Variants in ATP8B3 observed in about 807,000 individuals in gnomAD.
The protein encoded by ATP8B3 is ATPase phospholipid transporting 8B3.
In ATP8B3, 141 loss-of-function variants were observed where a neutral mutation model predicts 140.9. The ratio of observed to expected loss-of-function variants is 1.00; its 90% CI spans 0.87 to 1.15. The LOEUF (loss-of-function observed/expected upper bound fraction) is 1.15. ATP8B3 is among the 50% of genes most tolerant of loss of function. ATP8B3 has a pLI of 0.00. For missense variants in ATP8B3, 1,874 were observed against 1,740.6 expected (o/e 1.08, Z -1.36); for synonymous variants, 765 against 714.6 (o/e 1.07, Z -1.13).
At chr19:1,788,037 G>A (rs1233483672) in intron 24 of ATP8B3, among the ~76,000 whole-genome samples, 2 of 152,092 alleles carry the variant, frequency 1.3e-5, no homozygotes, top group African/African-American at 4.8e-5. Flanking sequence ...GTGAGACTCT[G>A]TCTCAAAAGG....
At position 1,800,223 on chromosome 19, in the gene ATP8B3, G is replaced by A. The variant is rs753032797; in HGVS notation, c.1343+36C>T. On this transcript the variant is annotated intron_variant, in intron 13 of 28. Transcript: ENST00000310127. The surrounding 1 kb of genome is among the most constrained non-coding windows in gnomAD (Gnocchi z 4.4). ...TGCCATCCCCATGCCTCCCCGTTCC[G>A]CGTTTGCACCGGGGACGCAGCCGGC... 5.4e-5 allele frequency: 87 copies of A among 1,603,820 alleles called. 1 individual carries two copies. The South Asian group carries it at 7.4e-4, about 14-fold the overall frequency.
Position 1,806,778 on chromosome 19 carries a change from G to A in ATP8B3, c.616-89C>T, listed in dbSNP as rs927475574. 126 of 1,390,646 alleles carry A rather than the reference G, an allele frequency of 9.1e-5. 1 individual carries two copies. The East Asian group carries it at 1.5e-3, about 17-fold the overall frequency. The allele number at this position is 1,390,646 out of a possible 1,614,324, so 86.1% of individuals were successfully genotyped here. On this transcript the variant is annotated intron_variant, in intron 6 of 28. Transcript: ENST00000310127. The surrounding 1 kb of genome is among the most constrained non-coding windows in gnomAD (Gnocchi z 5.6). ...GCCGCACTGCAGCCCAGCAGTGCCCGCCCGCAACACGGGGTCCCTGTCCGC... is the reference window on the plus strand; with the variant it reads ...GCCGCACTGCAGCCCAGCAGTGCCCACCCGCAACACGGGGTCCCTGTCCGC...
At position 1,808,337 on chromosome 19, in the gene ATP8B3, T is replaced by C; in HGVS notation, c.403-2A>G. ...CTTGGCCGTGCGGATGACATTGGTC[T>C]GGAACGAGAGCCGCGGGCTGCCTGG... On this transcript the variant is annotated splice_acceptor_variant, in intron 4 of 28. Coordinates refer to ENST00000310127, the MANE Select transcript of ATP8B3 (RefSeq NM_138813.4). LOFTEE classifies it high-confidence loss of function. 3 of 1,610,010 alleles carry C rather than the reference T, an allele frequency of 1.9e-6. No homozygotes were observed. The highest frequency in any genetic ancestry group is 2.5e-6 in the Non-Finnish European group (3 of 1,177,776).
At position 1,799,954 on chromosome 19, in the gene ATP8B3, G is replaced by A. The variant is rs938190405; in HGVS notation, c.1545C>T (p.Arg515=). ...LTFNKCCISG[R]VYGPDSEATT... Reference sequence around the variant, plus strand: ...CAGGTGTCGGGGCCGCACCATAGACGCGGCCGCTGATGCAGCACTTGTTGA... The same window carrying A: ...CAGGTGTCGGGGCCGCACCATAGACACGGCCGCTGATGCAGCACTTGTTGA... Residue 515 remains arginine, a synonymous_variant, in exon 14 of 29, where the codon CGC becomes CGT. Transcript: ENST00000310127. 17 of 1,595,146 alleles carry A rather than the reference G, an allele frequency of 1.1e-5. No homozygotes were observed. Among genetic ancestry groups the A allele is most frequent in the East Asian group, 9.1e-5 (4 of 44,182 alleles).
Position 1,794,537 on chromosome 19 carries a change from A to G in ATP8B3, c.2055+1338T>C, listed in dbSNP as rs1486165361. On this transcript the variant is annotated intron_variant, in intron 18 of 28. Coordinates refer to ENST00000310127, the MANE Select transcript of ATP8B3 (RefSeq NM_138813.4). This position sits in a 1 kb window ranked among gnomAD's most constrained non-coding sequence, Gnocchi z 4.8. ...TGGACGCAGAATCCTCTGGCCCTGT[A>G]GGGTCAGGGCTGGACCAGGGGGAGG... Among the ~76,000 whole-genome samples, 1 of 151,234 alleles carries G rather than the reference A, an allele frequency of 6.6e-6. No homozygotes were observed. Among genetic ancestry groups the G allele is most frequent in the Non-Finnish European group, 1.5e-5 (1 of 67,580 alleles).
chr19:1,787,303 A>G, intron 24 of ATP8B3, 117 bp from the exon 25 acceptor site: 1 of 570,360 alleles, frequency 1.8e-6, no homozygotes, highest in Non-Finnish European at 3.1e-6. Context: ...GTTACACTCA[A>G]GGTTGGGGCT....
intron 10 of ATP8B3, among the ~76,000 whole-genome samples, chr19:1,803,398 G>C (rs1027134976): frequency 6.6e-6 from 1 of 152,206 alleles, no homozygotes; most frequent in Non-Finnish European, 1.5e-5. Context: ...GACGGCCAGA[G>C]GGCAGAGAAC....
rs1305463291 is a variant in ATP8B3 at position 1,794,222 on chromosome 19, C to G, written c.2055+1653G>C. On this transcript the variant is annotated intron_variant, in intron 18 of 28. Coordinates refer to ENST00000310127, the MANE Select transcript of ATP8B3 (RefSeq NM_138813.4). This position sits in a 1 kb window ranked among gnomAD's most constrained non-coding sequence, Gnocchi z 4.8. The stretch of plus-strand genomic sequence containing the variant: ...TTTTGTTGTTGATGGGGCACGGGTC[C>G]AAGAGCTTGGGCTTGACACAGCAGA... Among the ~76,000 whole-genome samples the G allele has an allele frequency of 6.6e-6, 1 of 152,126 alleles. No individual in the cohort carries two copies. The highest frequency in any genetic ancestry group is 1.5e-5 in the Non-Finnish European group (1 of 68,018).
At position 1,790,765 on chromosome 19, in the gene ATP8B3, C is replaced by T; in HGVS notation, c.2370G>A (p.Lys790=). 1.9e-6 allele frequency: 3 copies of T among 1,603,288 alleles called. No homozygotes were observed. The highest frequency in any genetic ancestry group is 1.1e-5 in the South Asian group (1 of 88,928). The change falls in exon 21 of 29, where the codon AAG becomes AAA. Residue 790 remains lysine, a synonymous_variant. Coordinates refer to ENST00000310127, the MANE Select transcript of ATP8B3 (RefSeq NM_138813.4). ...AACTCCCCACTTCTTACCTAATCTC[C>T]TTCTCCTCCAGAATGAGCATATTCT... ...LSENMLILEE[K]EISRILETYW...
Position 1,805,417 on chromosome 19 carries a change from G to A in ATP8B3, c.861C>T (p.Thr287=), listed in dbSNP as rs903021375. ...NLKFRQALMV[T]HKELATIKKM... ...TCTTTATAGTGGCCAGTTCTTTGTG[G>A]GTGACCATCAGGGCCTGTCTGAACT... The change falls in exon 10 of 29, where the codon ACC becomes ACT. Residue 287 remains threonine, a synonymous_variant. Coordinates refer to ENST00000310127, the MANE Select transcript of ATP8B3 (RefSeq NM_138813.4). The surrounding 1 kb of genome is among the most constrained non-coding windows in gnomAD (Gnocchi z 5.2). 1.9e-6 allele frequency: 3 copies of A among 1,567,072 alleles called. No homozygotes were observed. The highest frequency in any genetic ancestry group is 3.7e-5 in the Admixed American group (2 of 53,448).
At position 1,796,911 on chromosome 19, in the gene ATP8B3, G is replaced by T. The variant is rs532150924; in HGVS notation, c.1585-32C>A. 11 of 1,610,964 alleles carry T rather than the reference G, an allele frequency of 6.8e-6. No individual in the cohort carries two copies. The African/African-American group carries it at 1.1e-4, about 16-fold the overall frequency. On this transcript the variant is annotated intron_variant, in intron 15 of 28. Transcript: ENST00000310127. Reference sequence around the variant, plus strand: ...GTGGCGGGGGCACGGGCCGGCTGTGGGTGGGCCGCTCCCCGTGCCCCGTCC... The same window carrying T: ...GTGGCGGGGGCACGGGCCGGCTGTGTGTGGGCCGCTCCCCGTGCCCCGTCC...
Position 1,807,170 on chromosome 19 carries a change from T to C in ATP8B3, c.613A>G (p.Met205Val), listed in dbSNP as rs780559103. Residue 205 changes from methionine to valine, a missense_variant and splice_region_variant, in exon 6 of 29, where the codon ATG (methionine) becomes GTG (valine). Physicochemically the swap from Met to Val is conservative, Grantham distance 21 (BLOSUM62 1). This residue lies in a region of ATP8B3 where 1,032 missense variants were observed against 963.6 expected (regional missense o/e 1.07). Transcript: ENST00000310127. This position sits in a 1 kb window ranked among gnomAD's most constrained non-coding sequence, Gnocchi z 5.9. The part of the protein sequence containing the change: ...IRATRDLVDD[M>V]GRHKSDRAIN... ...CAGCTGCATCCAACAGCACTCACCA[T>C]GTCGTCCACCAGGTCCCGGGTGGCA... is the stretch of plus-strand genomic sequence containing the variant. 4.4e-6 allele frequency: 7 copies of C among 1,603,308 alleles called. No individual in the cohort carries two copies. The highest frequency in any genetic ancestry group is 2.3e-5 in the East Asian group (1 of 44,154).
chr19:1,786,413 A>G (rs2068305509), intron 25 of ATP8B3, among the ~76,000 whole-genome samples: 1 of 151,804 alleles, frequency 6.6e-6, no homozygotes, highest in African/African-American at 2.4e-5. Flanking sequence ...TAAAAATAAA[A>G]AAATTAGCCG....
rs375001656 is a variant in ATP8B3 at position 1,795,854 on chromosome 19, A to G, written c.2055+21T>C. The G allele has an allele frequency of 2.5e-5, 37 of 1,474,006 alleles. No homozygotes were observed. The African/African-American group carries it at 3.6e-4, about 14-fold the overall frequency. 91.3% of individuals were successfully genotyped at this position (1,474,006 alleles called of 1,614,324 possible). A position where few individuals can be genotyped will look rare whatever the true frequency, so the allele number is the denominator to read the frequency against. Reference sequence around the variant, plus strand: ...ACACACACACACACACACATAAGCCAGCCTTCCTGAAGGGACTCACAGCCA... The same window carrying G: ...ACACACACACACACACACATAAGCCGGCCTTCCTGAAGGGACTCACAGCCA... On this transcript the variant is annotated intron_variant, in intron 18 of 28. Transcript: ENST00000310127.
chr19:1,794,760 G>A lies in ATP8B3; in HGVS notation c.2055+1115C>T, dbSNP rs2068616001. 6.6e-6 allele frequency among the ~76,000 whole-genome samples: 1 copy of A among 152,158 alleles called. No individual in the cohort carries two copies. The highest frequency in any genetic ancestry group is 1.5e-5 in the Non-Finnish European group (1 of 68,010). On this transcript the variant is annotated intron_variant, in intron 18 of 28. Transcript: ENST00000310127. The surrounding 1 kb of genome is among the most constrained non-coding windows in gnomAD (Gnocchi z 4.8). ...CTGAGAGTGGGGAAGTCACAAGCCA[G>A]AAACTGGGTCCTAGGGAGTCCCTTG...
intron 28 of ATP8B3, 103 bp downstream of exon 28, chr19:1,784,716 C>T (rs907482418): frequency 2.1e-6 from 3 of 1,405,178 alleles, no homozygotes; most frequent in East Asian, 2.5e-5. Context: ...CTTGGAGGGC[C>T]GAGAGGGGCC....
At chr19:1,791,920 G>T in intron 19 of ATP8B3, 59 bp from the exon 20 acceptor site, 1 of 1,598,702 alleles carries the variant, frequency 6.3e-7, no homozygotes, top group Non-Finnish European at 8.5e-7. Context: ...GCTCCCTGGC[G>T]GGGGCAGGAG....
rs1217470572 is a variant in ATP8B3, at chr19:1,806,091, G to C, written c.750+6C>G. On this transcript the variant is annotated splice_donor_region_variant and intron_variant, in intron 8 of 28. Coordinates refer to ENST00000310127, the MANE Select transcript of ATP8B3 (RefSeq NM_138813.4). This position sits in a 1 kb window ranked among gnomAD's most constrained non-coding sequence, Gnocchi z 5.6. The stretch of plus-strand genomic sequence containing the variant: ...TTCTGGGACCTCGGGGTCAACCCCA[G>C]CTCACTGGGACGATGTTGTCCTTGC... The C allele has an allele frequency of 2.5e-6, 4 of 1,601,398 alleles. No individual in the cohort carries two copies. Among genetic ancestry groups the C allele is most frequent in the South Asian group, 2.2e-5 (2 of 89,476 alleles).
chr19:1,796,464 G>A (rs895613954), intron 16 of ATP8B3, among the ~76,000 whole-genome samples, 199 bp from the exon 17 acceptor site: 11 of 152,342 alleles, frequency 7.2e-5, no homozygotes, highest in Non-Finnish European at 1.3e-4. Flanking sequence ...CTCGGGCTCC[G>A]ACCGCAGGCC....
Sources: gnomAD v4.1 joint callset for allele counts (sites outside exome capture counted in the v4.1 genomes callset) on GRCh38, gnomAD v4.1.1 for gene constraint, gnomAD v4.1.1 regional missense constraint, Gnocchi (gnomAD v3.1) non-coding constraint, MANE v1.5 for transcripts, NCBI Gene and HGNC (gene_info 2026-07-23, HGNC 2026-07-21) for gene names.